The following LRRC51 variants were observed in gnomAD, a reference collection of about 807,000 sequenced individuals.
LRRC51 encodes leucine rich repeat containing 51.
LRRC51 carries 8 observed loss-of-function variants against 17.8 expected under a neutral mutation model. That is an observed-to-expected ratio of 0.45 (90% CI 0.26 to 0.81). LRRC51 has a LOEUF of 0.81. Ranked by LOEUF, LRRC51 falls within the 30% of genes least tolerant of loss-of-function variation. The probability of loss-of-function intolerance (pLI) is 0.17; values close to 1 mark genes in which losing one functional copy is unlikely to be tolerated. For synonymous variants in LRRC51, 92 were observed against 96.0 expected, an observed-to-expected ratio of 0.96 and a Z score of 0.24; for missense variants, 233 against 239.3, an observed-to-expected ratio of 0.97 and a Z score of 0.17.
At chr11:72,082,105 T>TGTGG (rs1944254867) in intron 1 of LRRC51, among the ~76,000 whole-genome samples, 1 of 152,210 alleles carries the variant, frequency 6.6e-6, no homozygotes, top group South Asian at 2.1e-4. Flanking sequence ...AAGGAACCTG[T>TGTGG]GTGGCCTACT....
Position 72,096,382 on chromosome 11 carries a change from C to T in LRRC51, c.*862C>T, listed in dbSNP as rs939215128. On this transcript the variant is annotated 3_prime_UTR_variant, in exon 6 of 6. Coordinates refer to ENST00000289488, the MANE Select transcript of LRRC51 (RefSeq NM_145309.6). Reference sequence around the variant, plus strand: ...CCTCCCAAAGTGCTGGGATTAGAAGCGTGAGCCACCACGCCCAGCCTTTTT... The same window carrying T: ...CCTCCCAAAGTGCTGGGATTAGAAGTGTGAGCCACCACGCCCAGCCTTTTT... The T allele has an allele frequency of 3.1e-5, 9 of 291,894 alleles. No homozygotes were observed. Among genetic ancestry groups the T allele is most frequent in the South Asian group, 2.1e-4 (2 of 9,580 alleles). 18.1% of individuals were successfully genotyped at this position (291,894 alleles called of 1,614,324 possible). A position where few individuals can be genotyped will look rare whatever the true frequency, so the allele number is the denominator to read the frequency against.
Position 72,096,725 on chromosome 11 carries a change from T to A in LRRC51, c.*1205T>A. On this transcript the variant is annotated 3_prime_UTR_variant, in exon 6 of 6. Coordinates refer to ENST00000289488, the MANE Select transcript of LRRC51 (RefSeq NM_145309.6). Reference sequence around the variant, plus strand: ...AGTAATTTCCAAACTCTTCACAGAGTACCAGGGTCTGTAGAGATGCCTCAC... The same window carrying A: ...AGTAATTTCCAAACTCTTCACAGAGAACCAGGGTCTGTAGAGATGCCTCAC... 6 of 1,546,280 alleles carry A rather than the reference T, an allele frequency of 3.9e-6. No homozygotes were observed. Among genetic ancestry groups the A allele is most frequent in the Non-Finnish European group, 5.2e-6 (6 of 1,143,984 alleles).
Position 72,093,734 on chromosome 11 carries a change from G to A in LRRC51, c.288+33G>A, listed in dbSNP as rs775249604. On this transcript the variant is annotated intron_variant, in intron 4 of 5. Coordinates refer to ENST00000289488, the MANE Select transcript of LRRC51 (RefSeq NM_145309.6). ...CCTAACAGTAGGAATCCAGTCAGGG[G>A]AGCCTGAAGCCACTTTGTTCAGCCC... 6.2e-6 allele frequency: 10 copies of A among 1,605,830 alleles called. No homozygotes were observed. The Admixed American group carries it at 8.3e-5, about 13-fold the overall frequency.
chr11:72,096,527 G>GC lies in LRRC51; in HGVS notation c.*1008dup. The GC allele has an allele frequency of 3.8e-6, 5 of 1,308,088 alleles. No individual in the cohort carries two copies. Among genetic ancestry groups the GC allele is most frequent in the Non-Finnish European group, 4.9e-6 (5 of 1,027,880 alleles). The allele number at this position is 1,308,088 out of a possible 1,614,324, so 81.0% of individuals were successfully genotyped here. ...TGCTAGGATTACAGGATAAGCCACTGCACCTGGCCAGCTCTAGTCTTATTT... is the reference window on the plus strand; with the variant it reads ...TGCTAGGATTACAGGATAAGCCACTGCCACCTGGCCAGCTCTAGTCTTATTT... On this transcript the variant is annotated 3_prime_UTR_variant, in exon 6 of 6. Transcript: ENST00000289488.
In LRRC51 at chr11:72,095,841, T is replaced by TTTGTTG. The variant is rs766599484; in HGVS notation, c.*336_*341dup. The TTTGTTG allele has an allele frequency of 4.9e-6, 2 of 404,316 alleles. No individual in the cohort carries two copies. The highest frequency in any genetic ancestry group is 2.2e-5 in the South Asian group (1 of 46,256). The allele number at this position is 404,316 out of a possible 1,614,324, so 25.0% of individuals were successfully genotyped here. A position where few individuals can be genotyped will look rare whatever the true frequency, so the allele number is the denominator to read the frequency against. ...GCGCCTGCCACCATGACTGGCTAAT[T>TTTGTTG]TTGTTGTTGTTGTTGTTGTTTTGAG... On this transcript the variant is annotated 3_prime_UTR_variant, in exon 6 of 6. Transcript: ENST00000289488.
Position 72,096,895 on chromosome 11 carries a change from A to G in LRRC51, c.*1375A>G. On this transcript the variant is annotated 3_prime_UTR_variant, in exon 6 of 6. Transcript: ENST00000289488. Reference sequence around the variant, plus strand: ...GATAAAAAGAATCTTCTGCTTAAAAACATTTGCTTGCTGACTCCATATTAG... The same window carrying G: ...GATAAAAAGAATCTTCTGCTTAAAAGCATTTGCTTGCTGACTCCATATTAG... 1 of 1,265,160 alleles carries G rather than the reference A, an allele frequency of 7.9e-7. No individual in the cohort carries two copies. 78.4% of individuals were successfully genotyped at this position (1,265,160 alleles called of 1,614,324 possible). A position where few individuals can be genotyped will look rare whatever the true frequency, so the allele number is the denominator to read the frequency against.
At chr11:72,093,452 C>T (rs747766738) in intron 3 of LRRC51, 44 bp from the exon 4 acceptor site, 2 of 1,563,784 alleles carry the variant, frequency 1.3e-6, no homozygotes, top group South Asian at 2.3e-5. Flanking sequence ...CCCCTAAAGC[C>T]AAAAAAGCAA....
rs1945211626 is a variant in LRRC51, at chr11:72,096,392, C to T, written c.*872C>T. On this transcript the variant is annotated 3_prime_UTR_variant, in exon 6 of 6. Transcript: ENST00000289488. The stretch of plus-strand genomic sequence containing the variant: ...TGCTGGGATTAGAAGCGTGAGCCAC[C>T]ACGCCCAGCCTTTTTTTGTATTTTT... 3.0e-5 allele frequency: 11 copies of T among 367,072 alleles called. No individual in the cohort carries two copies. The highest frequency in any genetic ancestry group is 4.3e-5 in the Non-Finnish European group (11 of 257,536). The allele number at this position is 367,072 out of a possible 1,614,324, so 22.7% of individuals were successfully genotyped here.
Position 72,095,636 on chromosome 11 carries a change from C to T in LRRC51, c.*116C>T. The T allele has an allele frequency of 6.5e-7, 1 of 1,545,416 alleles. No homozygotes were observed. The highest frequency in any genetic ancestry group is 2.0e-5 in the Admixed American group (1 of 50,812). ...CACTTACACCTTGTAGAGATGTTCT[C>T]TAACTCAGGCAACTGCAAGTAGCTC... On this transcript the variant is annotated 3_prime_UTR_variant, in exon 6 of 6. Transcript: ENST00000289488.
At chr11:72,092,642 C>A (rs562783989) in intron 3 of LRRC51, among the ~76,000 whole-genome samples, 12 of 152,382 alleles carry the variant, frequency 7.9e-5, no homozygotes, top group African/African-American at 2.6e-4. Flanking sequence ...GGATTCCTGC[C>A]TCCTTTTCCT....
At chr11:72,085,931 T>C (rs1944506995) in intron 1 of LRRC51, 1 of 153,502 alleles carries the variant, frequency 6.5e-6, no homozygotes, top group Non-Finnish European at 1.4e-5. Flanking sequence ...TGATCAGCCA[T>C]GTTCTCATGG....
rs563343396 is a variant in LRRC51, at chr11:72,095,483, A to C, written c.542A>C (p.Lys181Thr). 9.7e-5 allele frequency: 156 copies of C among 1,614,090 alleles called. 3 individuals are homozygous for C. The South Asian group carries it at 1.6e-3, about 17-fold the overall frequency. Residue 181 changes from lysine (K) to threonine (T), a missense_variant, in exon 6 of 6, where the codon AAG becomes ACG. Lys to Thr is a moderately conservative substitution (Grantham distance 78). Coordinates refer to ENST00000289488, the MANE Select transcript of LRRC51 (RefSeq NM_145309.6). ...TAEVWKRMNI[K>T]PKKAWTKQNT... is the part of the protein sequence containing the mutation. ...GAAGTCTGGAAACGCATGAACATCA[A>C]GCCCAAGAAGGCCTGGACCAAGCAG...
intron 3 of LRRC51, among the ~76,000 whole-genome samples, chr11:72,091,638 T>G (rs761414800): frequency 4.6e-5 from 7 of 152,064 alleles, no homozygotes; most frequent in Non-Finnish European, 1.0e-4. Context: ...AAAGTGGGAG[T>G]GAGGCTTTGG....
chr11:72,093,441 C>A (rs1944979494), intron 3 of LRRC51, 55 bp from the exon 4 acceptor site: 1 of 1,516,600 alleles, frequency 6.6e-7, no homozygotes, highest in Non-Finnish European at 9.0e-7. Context: ...TCCCTTCCCA[C>A]CCCCTAAAGC....
Position 72,089,179 on chromosome 11 carries a change from G to A in LRRC51, c.82+14G>A. 6.2e-7 allele frequency: 1 copy of A among 1,614,092 alleles called. No homozygotes were observed. Among genetic ancestry groups the A allele is most frequent in the African/African-American group, 1.3e-5 (1 of 75,028 alleles). ...ACGTCATTCAAGGTCAGCCCCCAGA[G>A]CACAGTACTCCACTCACTAAGGCAG... is the stretch of plus-strand genomic sequence containing the variant. On this transcript the variant is annotated intron_variant, in intron 3 of 5. Transcript: ENST00000289488.
At chr11:72,086,521 C>T in intron 1 of LRRC51, 1 of 697,812 alleles carries the variant, frequency 1.4e-6, no homozygotes, top group Non-Finnish European at 2.6e-6. Flanking sequence ...GGCAGTTTCT[C>T]ATTCATTCAT....
chr11:72,092,359 G>A (rs777846636), intron 3 of LRRC51, among the ~76,000 whole-genome samples: 3 of 152,070 alleles, frequency 2.0e-5, no homozygotes, highest in African/African-American at 7.2e-5. Flanking sequence ...AATACAACTG[G>A]CAACCACCCT....
At chr11:72,090,828 G>C (rs550791511) in intron 3 of LRRC51, among the ~76,000 whole-genome samples, 1 of 152,312 alleles carries the variant, frequency 6.6e-6, no homozygotes, top group African/African-American at 2.4e-5. Flanking sequence ...TGGTGGTTGA[G>C]GGATGACACA....
At chr11:72,089,195 A>G (rs746309413) in intron 3 of LRRC51, 30 bp downstream of exon 3, 2 of 1,614,066 alleles carry the variant, frequency 1.2e-6, no homozygotes, top group Non-Finnish European at 1.7e-6. Context: ...TACTCCACTC[A>G]CTAAGGCAGC....
Sources: gnomAD v4.1 joint callset for allele counts (sites outside exome capture counted in the v4.1 genomes callset) on GRCh38, gnomAD v4.1.1 for gene constraint, MANE v1.5 for transcripts, NCBI Gene and HGNC (gene_info 2026-07-23, HGNC 2026-07-21) for gene names.